Variants in DMRT1 observed in about 807,000 individuals in gnomAD.
DMRT1 encodes the protein doublesex and mab-3 related transcription factor 1.
A neutral mutation model predicts 32.3 loss-of-function variants in DMRT1; 7 were observed. That is an observed-to-expected ratio of 0.22 (90% CI 0.12 to 0.41). The LOEUF (loss-of-function observed/expected upper bound fraction) is 0.41, where lower values mean the gene tolerates loss of function less well. Among genes scored for constraint, DMRT1 ranks in the 10% least tolerant of loss-of-function variants. The pLI is 1.00. For synonymous variants in DMRT1, 278 were observed against 206.1 expected, an observed-to-expected ratio of 1.35 and a Z score of -2.99; for missense variants, 625 against 500.5, an observed-to-expected ratio of 1.25 and a Z score of -2.37.
chr9:857,722 C>A (rs896643713), intron 2 of DMRT1, among the ~76,000 whole-genome samples: 1 of 150,544 alleles, frequency 6.6e-6, no homozygotes, highest in Non-Finnish European at 1.5e-5. Context: ...GTGTGCTGCA[C>A]CCATTAACTC....
intron 3 of DMRT1, among the ~76,000 whole-genome samples, chr9:901,361 C>G (rs1479326471): frequency 6.6e-6 from 1 of 151,854 alleles, no homozygotes; most frequent in African/African-American, 2.4e-5. Flanking sequence ...GAGCCTCACT[C>G]TGTTGCCCAG....
intron 3 of DMRT1, among the ~76,000 whole-genome samples, chr9:903,094 C>G (rs956925599): frequency 1.3e-5 from 2 of 152,184 alleles, no homozygotes; most frequent in African/African-American, 2.4e-5. Context: ...AAGTCTTAGC[C>G]ATGCCTATGA....
At chr9:896,924 T>C (rs544360178) in intron 3 of DMRT1, among the ~76,000 whole-genome samples, 13 of 152,206 alleles carry the variant, frequency 8.5e-5, no homozygotes, top group Non-Finnish European at 8.8e-5. Flanking sequence ...GGTATTAAAA[T>C]GTTGTTAAAA....
intron 2 of DMRT1, among the ~76,000 whole-genome samples, chr9:855,285 C>G (rs927074659): frequency 1.1e-4 from 14 of 122,962 alleles, no homozygotes; most frequent in Non-Finnish European, 1.7e-4. Context: ...ACATCTAGAG[C>G]CAGGAAACGT....
intron 3 of DMRT1, among the ~76,000 whole-genome samples, chr9:915,059 G>C (rs947399794): frequency 1.3e-5 from 2 of 152,190 alleles, no homozygotes; most frequent in African/African-American, 4.8e-5. Flanking sequence ...TGAAAAACAT[G>C]ATTTTGAATT....
At chr9:891,243 T>G (rs1817137000) in intron 2 of DMRT1, among the ~76,000 whole-genome samples, 3 of 148,088 alleles carry the variant, frequency 2.0e-5, no homozygotes, top group Admixed American at 2.0e-4. Flanking sequence ...GCTCAGGAGT[T>G]CGAGATCAGC....
intron 2 of DMRT1, among the ~76,000 whole-genome samples, chr9:879,557 AG>A (rs1194402366): frequency 6.6e-6 from 1 of 152,242 alleles, no homozygotes; most frequent in African/African-American, 2.4e-5. Context: ...GAGGGGTAGA[AG>A]TATTTTAATA....
At chr9:907,726 C>T (rs911747416) in intron 3 of DMRT1, among the ~76,000 whole-genome samples, 1 of 152,102 alleles carries the variant, frequency 6.6e-6, no homozygotes, top group Non-Finnish European at 1.5e-5. Context: ...ACCCCTTACC[C>T]AAATTGTATA....
intron 4 of DMRT1, among the ~76,000 whole-genome samples, chr9:950,302 G>T (rs1329469998): frequency 6.6e-6 from 1 of 152,098 alleles, no homozygotes; most frequent in Non-Finnish European, 1.5e-5. Flanking sequence ...ATGTGAAGAA[G>T]AGGAAAGCTC....
At position 943,796 on chromosome 9, in the gene DMRT1, G is replaced by A. The variant is rs1052239571; in HGVS notation, c.968-24189G>A. ...AGGATTTATTTTTGTAAGAAAAGCC[G>A]CAAAAGCACAATGGGAAAGAAGTTA... On this transcript the variant is annotated intron_variant, in intron 4 of 4. Coordinates refer to ENST00000382276, the MANE Select transcript of DMRT1 (RefSeq NM_021951.3). 1.1e-4 allele frequency among the ~76,000 whole-genome samples: 16 copies of A among 152,272 alleles called. 2 individuals are homozygous for A. The South Asian group carries it at 2.7e-3, about 26-fold the overall frequency.
chr9:941,301 G>T (rs1819059141), intron 4 of DMRT1, among the ~76,000 whole-genome samples: 2 of 151,260 alleles, frequency 1.3e-5, no homozygotes, highest in Non-Finnish European at 2.9e-5. Context: ...TGTGGCGCAT[G>T]CATGAGCGTG....
intron 4 of DMRT1, among the ~76,000 whole-genome samples, chr9:924,088 T>TC (rs1554757298): frequency 4.9e-5 from 7 of 144,316 alleles, no homozygotes; most frequent in Admixed American, 2.1e-4. Flanking sequence ...TTTTTTTTTT[T>TC]CCACCTGGAG....
chr9:899,576 T>C (rs928222981), intron 3 of DMRT1, among the ~76,000 whole-genome samples: 21 of 152,332 alleles, frequency 1.4e-4, no homozygotes, highest in Admixed American at 9.2e-4. Flanking sequence ...TCCTGTCCTG[T>C]TGTGAAACAG....
chr9:864,056 C>T (rs1051332318), intron 2 of DMRT1, among the ~76,000 whole-genome samples: 3 of 152,122 alleles, frequency 2.0e-5, no homozygotes, highest in Non-Finnish European at 4.4e-5. Flanking sequence ...GTCCTCGTCA[C>T]TGCACTCTTT....
At chr9:878,241 T>C (rs911184530) in intron 2 of DMRT1, among the ~76,000 whole-genome samples, 9 of 114,922 alleles carry the variant, frequency 7.8e-5, no homozygotes, top group Non-Finnish European at 1.1e-4. Flanking sequence ...TGTCTTAAGG[T>C]AATCACAGGA....
chr9:914,480 A>G (rs1196030930), intron 3 of DMRT1, among the ~76,000 whole-genome samples: 3 of 146,974 alleles, frequency 2.0e-5, no homozygotes, highest in East Asian at 4.3e-4. Flanking sequence ...AGGCTGAGGC[A>G]GGAGAATGAC....
chr9:864,439 C>A (rs571590424), intron 2 of DMRT1, among the ~76,000 whole-genome samples: 1 of 151,688 alleles, frequency 6.6e-6, no homozygotes, highest in Admixed American at 6.6e-5. Flanking sequence ...GTGATCTGCC[C>A]GCCTTGTCCT....
At chr9:876,454 A>C (rs1468312538) in intron 2 of DMRT1, among the ~76,000 whole-genome samples, 1 of 151,800 alleles carries the variant, frequency 6.6e-6, no homozygotes, top group Non-Finnish European at 1.5e-5. Context: ...ACACACTCCC[A>C]TGTGAGTGCT....
chr9:887,718 A>G (rs747691423), intron 2 of DMRT1, among the ~76,000 whole-genome samples: 1 of 152,006 alleles, frequency 6.6e-6, no homozygotes, highest in Non-Finnish European at 1.5e-5. Context: ...CTCATCACTC[A>G]CCGTGGCCTT....
Sources: gnomAD v4.1 joint callset for allele counts (sites outside exome capture counted in the v4.1 genomes callset) on GRCh38, gnomAD v4.1.1 for gene constraint, MANE v1.5 for transcripts, NCBI Gene and HGNC (gene_info 2026-07-23, HGNC 2026-07-21) for gene names.